Variants in ANKRD30B observed in about 807,000 individuals in gnomAD.
ANKRD30B encodes the protein ankyrin repeat domain 30B.
ANKRD30B carries 144 observed loss-of-function variants against 202.2 expected under a neutral mutation model. That is an observed-to-expected ratio of 0.71 (90% CI 0.62 to 0.82). ANKRD30B has a LOEUF of 0.82. Among genes scored for constraint, ANKRD30B ranks in the 40% least tolerant of loss-of-function variants. ANKRD30B has a pLI of 0.00. For synonymous variants in ANKRD30B, 508 were observed against 561.3 expected (o/e 0.91, Z 1.34); for missense variants, 1,487 against 1,669.1 (o/e 0.89, Z 1.90).
chr18:14,896,969 A>C, the ANKRD30B span, among the ~76,000 whole-genome samples: 1 of 151,054 alleles, frequency 6.6e-6, no homozygotes, highest in Non-Finnish European at 1.5e-5. Context: ...CAATTGCAAA[A>C]AAAAAAAAAA....
the ANKRD30B span, among the ~76,000 whole-genome samples, chr18:14,869,715 A>G: frequency 1.3e-5 from 2 of 150,948 alleles, no homozygotes; most frequent in African/African-American, 4.9e-5. Context: ...CAAATACTTC[A>G]GTTTTCATGT....
chr18:14,929,518 T>G, the ANKRD30B span, among the ~76,000 whole-genome samples: 7 of 152,182 alleles, frequency 4.6e-5, no homozygotes, highest in African/African-American at 1.7e-4. Context: ...AATAATAGTT[T>G]CTTCAGGCCT....
chr18:14,787,012 A>T, intron 14 of ANKRD30B, 27 bp from the exon 15 acceptor site: 1 of 1,592,860 alleles, frequency 6.3e-7, no homozygotes, highest in Non-Finnish European at 8.6e-7. Flanking sequence ...TGTTCTCATG[A>T]ATACATCTGT....
chr18:14,907,252 A>C, the ANKRD30B span, among the ~76,000 whole-genome samples: 1 of 152,086 alleles, frequency 6.6e-6, no homozygotes, highest in Non-Finnish European at 1.5e-5. Flanking sequence ...GAGGAATTCT[A>C]TTCAGATAAC....
Position 14,822,502 on chromosome 18 carries a change from T to A in ANKRD30B, c.2661T>A (p.Gly887=). The A allele has an allele frequency of 7.2e-7, 1 of 1,379,656 alleles. No homozygotes were observed. Among genetic ancestry groups the A allele is most frequent in the Non-Finnish European group, 1.0e-6 (1 of 983,914 alleles). 85.5% of individuals were successfully genotyped at this position (1,379,656 alleles called of 1,614,324 possible). ...GKLEESPDKD[G]LLKPTCGMKI... ...TTTTAGAGTCTCCTGATAAAGATGG[T>A]CTTCTGAAGGTAATAACTTTTATAT... Residue 887 remains glycine, a synonymous_variant, in exon 31 of 44, where the codon GGT becomes GGA. Coordinates refer to ENST00000690538, the MANE Select transcript of ANKRD30B (RefSeq NM_001367607.2).
At chr18:14,759,887 G>T (rs1277250599) in intron 5 of ANKRD30B, among the ~76,000 whole-genome samples, 5 of 152,142 alleles carry the variant, frequency 3.3e-5, no homozygotes, top group African/African-American at 1.2e-4. Context: ...AACCTATGAA[G>T]AAACACTTTT....
the ANKRD30B span, among the ~76,000 whole-genome samples, chr18:14,891,419 TGA>T: frequency 6.9e-6 from 1 of 144,766 alleles, no homozygotes; most frequent in Non-Finnish European, 1.5e-5. Flanking sequence ...CTCATCCAGT[TGA>T]GAGTTTCACA....
intron 14 of ANKRD30B, 37 bp downstream of exon 14, chr18:14,784,572 T>C (rs1426979169): frequency 1.3e-6 from 2 of 1,575,128 alleles, no homozygotes; most frequent in Admixed American, 3.4e-5. Context: ...AGATGAATAG[T>C]TCAATATTGG....
intron 16 of ANKRD30B, among the ~76,000 whole-genome samples, chr18:14,792,268 G>GA (rs1379683186): frequency 2.0e-5 from 3 of 152,098 alleles, no homozygotes; most frequent in African/African-American, 7.2e-5. Flanking sequence ...ACCTTTGTGG[G>GA]AAAAATGTGG....
chr18:14,854,672 T>A (rs138905071), downstream of ANKRD30B, among the ~76,000 whole-genome samples: 2,580 of 152,244 alleles, frequency 0.017, 81 homozygotes, highest in African/African-American at 0.059. Flanking sequence ...AAAACACAAA[T>A]TTCCTTGTTT....
At chr18:14,890,138 CCA>C in the ANKRD30B span, 4 of 794,906 alleles carry the variant, frequency 5.0e-6, no homozygotes, top group Non-Finnish European at 8.5e-6. Context: ...TTCAGCTTTG[CCA>C]ATGATCCATG....
chr18:14,910,717 A>G, the ANKRD30B span, among the ~76,000 whole-genome samples: 73 of 152,182 alleles, frequency 4.8e-4, no homozygotes, highest in African/African-American at 1.7e-3. Context: ...TTTTTCATAG[A>G]AGTTGTACTA....
chr18:14,864,944 A>G, the ANKRD30B span, among the ~76,000 whole-genome samples: 67 of 151,588 alleles, frequency 4.4e-4, no homozygotes, highest in African/African-American at 1.6e-3. Context: ...CCACCTTCTC[A>G]CAAAGCCTTC....
At chr18:14,894,200 C>T in the ANKRD30B span, among the ~76,000 whole-genome samples, 1 of 152,010 alleles carries the variant, frequency 6.6e-6, no homozygotes, top group South Asian at 2.1e-4. Flanking sequence ...TTATTTAAAC[C>T]TGTATCACAC....
At chr18:14,855,223 G>T (rs1459435926), downstream of ANKRD30B, among the ~76,000 whole-genome samples, 1 of 152,148 alleles carries the variant, frequency 6.6e-6, no homozygotes, top group Non-Finnish European at 1.5e-5. Flanking sequence ...GGGGTTGGGG[G>T]TAAGGTTATA....
chr18:14,881,741 T>C, the ANKRD30B span, among the ~76,000 whole-genome samples: 4 of 152,078 alleles, frequency 2.6e-5, no homozygotes, highest in African/African-American at 4.8e-5. Flanking sequence ...CTCGGCTTTT[T>C]TTTTTGGAAA....
the ANKRD30B span, among the ~76,000 whole-genome samples, chr18:14,890,369 GA>G: frequency 1.3e-5 from 2 of 151,406 alleles, no homozygotes; most frequent in Non-Finnish European, 2.9e-5. Context: ...TTATTCTCTA[GA>G]ATTAAATTTC....
At chr18:14,758,765 A>G (rs2143690210) in intron 5 of ANKRD30B, among the ~76,000 whole-genome samples, 1 of 152,252 alleles carries the variant, frequency 6.6e-6, no homozygotes, top group Admixed American at 6.5e-5. Context: ...TATTTTCTCT[A>G]GCAAATATTA....
At chr18:14,928,618 A>G in the ANKRD30B span, among the ~76,000 whole-genome samples, 1 of 152,156 alleles carries the variant, frequency 6.6e-6, no homozygotes, top group African/African-American at 2.4e-5. Flanking sequence ...ACCACTGGTT[A>G]TTCTGGTTCA....
Sources: gnomAD v4.1 joint callset for allele counts (sites outside exome capture counted in the v4.1 genomes callset) on GRCh38, gnomAD v4.1.1 for gene constraint, MANE v1.5 for transcripts, NCBI Gene and HGNC (gene_info 2026-07-23, HGNC 2026-07-21) for gene names.